Variants in KIF21A observed in about 807,000 individuals in gnomAD.
KIF21A encodes kinesin-like protein KIF21A.
Under a neutral mutation model 202.9 loss-of-function variants are expected in KIF21A, and 114 were observed. That is an observed-to-expected ratio of 0.56 (90% confidence interval 0.48 to 0.66). KIF21A has a LOEUF of 0.66. Among genes scored for constraint, KIF21A ranks in the 30% least tolerant of loss-of-function variants. The probability of loss-of-function intolerance (pLI) is 0.00; values close to 1 mark genes in which losing one functional copy is unlikely to be tolerated. For missense variants in KIF21A, 1,677 were observed against 1,994.9 expected, an observed-to-expected ratio of 0.84 and a Z score of 3.04; for synonymous variants, 667 against 670.8, an observed-to-expected ratio of 0.99 and a Z score of 0.09.
chr12:39,301,099 G>A (rs1942914184), intron 37 of KIF21A, among the ~76,000 whole-genome samples: 1 of 152,204 alleles, frequency 6.6e-6, no homozygotes, highest in Non-Finnish European at 1.5e-5. Flanking sequence ...ACTTTAAAGG[G>A]AGGAGGAAGC....
intron 24 of KIF21A, among the ~76,000 whole-genome samples, chr12:39,328,264 T>C (rs946035295): frequency 6.6e-6 from 1 of 152,014 alleles, no homozygotes; most frequent in Non-Finnish European, 1.5e-5. Context: ...AAGGTACATA[T>C]GTCACCCCCC....
At chr12:39,344,571 T>C (rs1947729626) in intron 12 of KIF21A, among the ~76,000 whole-genome samples, 2 of 152,210 alleles carry the variant, frequency 1.3e-5, no homozygotes, top group African/African-American at 4.8e-5. Flanking sequence ...CATATCGTTC[T>C]ACTCCCCGCT....
At position 39,366,433 on chromosome 12, in the gene KIF21A, C is replaced by T. The variant is rs1949609929; in HGVS notation, c.820G>A (p.Asp274Asn). 1.2e-6 allele frequency: 2 copies of T among 1,613,852 alleles called. No individual in the cohort carries two copies. The change falls in exon 6 of 38, where the codon GAT (aspartate) becomes AAT (asparagine). Residue 274 changes from aspartate (D) to asparagine (N), a missense_variant. Transcript: ENST00000361418. ...ETLTAKFHFV[D>N]LAGSERLKRT... ...TTCAGTCTTTCAGATCCTGCGAGAT[C>T]AACAAAATGGAACTTTGCAGTCAGG...
At chr12:39,335,244 T>G (rs917501330) in intron 17 of KIF21A, among the ~76,000 whole-genome samples, 1 of 151,726 alleles carries the variant, frequency 6.6e-6, no homozygotes, top group African/African-American at 2.4e-5. Context: ...AAAACCCATC[T>G]CTACTAAAAA....
chr12:39,350,182 T>A (rs562058331), intron 11 of KIF21A, among the ~76,000 whole-genome samples: 1 of 152,114 alleles, frequency 6.6e-6, no homozygotes, highest in South Asian at 2.1e-4. Flanking sequence ...TGAGTTCTTA[T>A]TAGTATTAAC....
At chr12:39,415,382 G>T (rs942314593) in intron 1 of KIF21A, among the ~76,000 whole-genome samples, 3 of 151,740 alleles carry the variant, frequency 2.0e-5, no homozygotes, top group African/African-American at 7.3e-5. Context: ...TGGGACTACA[G>T]GCGCCCGCCA....
intron 27 of KIF21A, 37 bp downstream of exon 27, chr12:39,322,631 A>C (rs1194870133): frequency 6.6e-7 from 1 of 1,523,564 alleles, no homozygotes; most frequent in Admixed American, 1.7e-5. Context: ...TTTTAAAGCC[A>C]AAAGAAAAGA....
chr12:39,407,721 A>G (rs1952712033), intron 1 of KIF21A, among the ~76,000 whole-genome samples: 1 of 152,144 alleles, frequency 6.6e-6, no homozygotes, highest in Non-Finnish European at 1.5e-5. Context: ...TCATTTTAAC[A>G]AATATTCCCC....
At chr12:39,389,513 C>T (rs563576410) in intron 1 of KIF21A, among the ~76,000 whole-genome samples, 1 of 152,288 alleles carries the variant, frequency 6.6e-6, no homozygotes, top group Non-Finnish European at 1.5e-5. Flanking sequence ...CATCTATTTT[C>T]AATGGAGTCT....
Position 39,324,681 on chromosome 12 carries a change from A to G in KIF21A, c.3456+1158T>C, listed in dbSNP as rs533642606. The stretch of plus-strand genomic sequence containing the variant: ...GGTAGCCTTAGGCCCATATTCCCAC[A>G]CAGCAAAAATGAGCAAAACTTGATG... On this transcript the variant is annotated intron_variant, in intron 26 of 37. Coordinates refer to ENST00000361418, the MANE Select transcript of KIF21A (RefSeq NM_001173464.2). 5.9e-5 allele frequency among the ~76,000 whole-genome samples: 9 copies of G among 152,328 alleles called. No homozygotes were observed. The East Asian group carries it at 1.7e-3, about 29-fold the overall frequency.
chr12:39,389,870 A>G lies in KIF21A; in HGVS notation c.45-19609T>C, dbSNP rs112560921. Among the ~76,000 whole-genome samples, 402 of 152,306 alleles carry G rather than the reference A, an allele frequency of 2.6e-3. 3 individuals are homozygous for G. Among genetic ancestry groups the G allele is most frequent in the African/African-American group, 8.9e-3 (368 of 41,570 alleles). On this transcript the variant is annotated intron_variant, in intron 1 of 37. Coordinates refer to ENST00000361418, the MANE Select transcript of KIF21A (RefSeq NM_001173464.2). ...GACTACATATTTTGAAGATTTTTAT[A>G]TAGTGTCAACCCAACAGCCTATCCC...
At chr12:39,412,501 G>C (rs561333955) in intron 1 of KIF21A, among the ~76,000 whole-genome samples, 1 of 152,076 alleles carries the variant, frequency 6.6e-6, no homozygotes, top group Non-Finnish European at 1.5e-5. Flanking sequence ...CAGATCGCTC[G>C]AGCTCAGGAG....
In KIF21A at chr12:39,319,981, AT is replaced by A. The variant is rs761074592; in HGVS notation, c.3703del (p.Ile1235PhefsTer7). On this transcript the variant is annotated frameshift_variant, in exon 28 of 38. Coordinates refer to ENST00000361418, the MANE Select transcript of KIF21A (RefSeq NM_001173464.2). LOFTEE classifies it high-confidence loss of function. ...CCTTGTTACAGGAGAAGGCTCTGGA[AT>A]TTTTTTTTCTGATAGAGATGACTGC... is the stretch of plus-strand genomic sequence containing the variant. ...SRQSSLSEKK[I>X]PEPSPVTRRK... 1.1e-5 allele frequency: 18 copies of A among 1,592,076 alleles called. No individual in the cohort carries two copies. The highest frequency in any genetic ancestry group is 1.5e-5 in the Non-Finnish European group (17 of 1,163,452).
At position 39,373,211 on chromosome 12, in the gene KIF21A, A is replaced by C. The variant is rs12312434; in HGVS notation, c.45-2950T>G. On this transcript the variant is annotated intron_variant, in intron 1 of 37. Transcript: ENST00000361418. ...TTTGCCATGCTACATCTTTGCATTA[A>C]AGGATTTTCACTAGTAGCCGTGGTG... 6.6e-4 allele frequency among the ~76,000 whole-genome samples: 101 copies of C among 152,290 alleles called. 1 individual carries two copies. The highest frequency in any genetic ancestry group is 2.2e-3 in the African/African-American group (90 of 41,566).
In KIF21A at chr12:39,351,822, T is replaced by C. The variant is rs149219011; in HGVS notation, c.1628A>G (p.Lys543Arg). The C allele has an allele frequency of 0.011, 17,434 of 1,603,250 alleles. 111 individuals carry two copies. Among genetic ancestry groups the C allele is most frequent in the Non-Finnish European group, 0.014 (15,978 of 1,171,018 alleles). Residue 543 changes from lysine to arginine, a missense_variant, in exon 11 of 38, where the codon AAA (lysine) becomes AGA (arginine). Around this residue, in one of 3 missense-constraint regions of KIF21A, gnomAD observed 966 missense variants for 1,180.9 expected, o/e 0.82. Transcript: ENST00000361418. Reference sequence around the variant, plus strand: ...TTTTCTTTTCAACTTCTCTAAATCTTTTTTTGCTAGGTCTATAATTTCAAT... The same window carrying C: ...TTTTCTTTTCAACTTCTCTAAATCTCTTTTTGCTAGGTCTATAATTTCAAT... Reference protein sequence around the residue: ...ETIEIIDLAKKDLEKLKRKEK... With the variant: ...ETIEIIDLAKRDLEKLKRKEK...
intron 1 of KIF21A, among the ~76,000 whole-genome samples, chr12:39,417,960 C>T (rs770626842): frequency 6.6e-6 from 1 of 152,062 alleles, no homozygotes; most frequent in African/African-American, 2.4e-5. Flanking sequence ...GAAATCCCAG[C>T]ACTTTGGGAG....
At chr12:39,330,035 C>T in intron 24 of KIF21A, 1 of 491,620 alleles carries the variant, frequency 2.0e-6, no homozygotes, top group Non-Finnish European at 3.7e-6. Flanking sequence ...AAGCATACTT[C>T]TTTAAACATC....
At chr12:39,396,152 C>T (rs551906066) in intron 1 of KIF21A, among the ~76,000 whole-genome samples, 7 of 152,142 alleles carry the variant, frequency 4.6e-5, no homozygotes, top group African/African-American at 1.7e-4. Context: ...GGCACAGAGA[C>T]CCCCGACCCT....
intron 6 of KIF21A, among the ~76,000 whole-genome samples, chr12:39,365,026 C>A (rs778544130): frequency 2.4e-4 from 36 of 152,222 alleles, no homozygotes; most frequent in South Asian, 1.5e-3. Flanking sequence ...TTAGACCCTG[C>A]ATTCTGATGC....
Sources: allele counts gnomAD v4.1 joint callset (sites outside exome capture counted in the v4.1 genomes callset), GRCh38; gene constraint gnomAD v4.1.1; regional missense constraint gnomAD v4.1.1; transcripts MANE v1.5; gene names NCBI Gene and HGNC (gene_info 2026-07-23, HGNC 2026-07-21).